COL28A1: variants seen among roughly 807,000 people sequenced by gnomAD.
COL28A1 encodes collagen type XXVIII alpha 1 chain.
A neutral mutation model predicts 150.2 loss-of-function variants in COL28A1; 161 were observed. The ratio of observed to expected loss-of-function variants is 1.07; its 90% confidence interval spans 0.94 to 1.22. COL28A1 has a LOEUF of 1.22. COL28A1 is among the 50% of genes most tolerant of loss of function. The probability of loss-of-function intolerance (pLI) is 0.00; values close to 1 mark genes in which losing one functional copy is unlikely to be tolerated. For synonymous variants in COL28A1, 552 were observed against 469.7 expected, an observed-to-expected ratio of 1.18 and a Z score of -2.26; for missense variants, 1,617 against 1,388.3, an observed-to-expected ratio of 1.16 and a Z score of -2.62.
At chr7:7,375,379 G>T in intron 31 of COL28A1, 82 bp downstream of exon 31, 1 of 1,287,616 alleles carries the variant, frequency 7.8e-7, no homozygotes, top group Non-Finnish European at 1.0e-6. Flanking sequence ...ATATACATCT[G>T]GACGAACACA....
In COL28A1 at chr7:7,531,842, G is replaced by A; in HGVS notation, c.187C>T (p.Leu63Phe). 2 of 1,607,740 alleles carry A rather than the reference G, an allele frequency of 1.2e-6. No individual in the cohort carries two copies. Among genetic ancestry groups the A allele is most frequent in the Non-Finnish European group, 1.7e-6 (2 of 1,174,268 alleles). Residue 63 changes from leucine (L) to phenylalanine (F), a missense_variant, in exon 3 of 35, where the codon CTC (leucine) becomes TTC (phenylalanine). By Grantham distance (22) the Leu-to-Phe change is conservative. Coordinates refer to ENST00000399429, the MANE Select transcript of COL28A1 (RefSeq NM_001037763.3). ...VDSSESSKIA[L>F]FDKQKDFVDS... ...ACAAAATCTTTCTGTTTATCAAAGA[G>A]GGCAATTTTAGAACTTTCAGAGCTG...
chr7:7,342,778 G>A, the COL28A1 span, among the ~76,000 whole-genome samples: 2 of 151,796 alleles, frequency 1.3e-5, no homozygotes, highest in Non-Finnish European at 2.9e-5. Flanking sequence ...ATCATATTAT[G>A]ATTATTAATA....
At chr7:7,433,303 G>A (rs939114120) in intron 23 of COL28A1, among the ~76,000 whole-genome samples, 5 of 152,114 alleles carry the variant, frequency 3.3e-5, no homozygotes, top group East Asian at 1.9e-4. Context: ...CAAGTAAAAC[G>A]GGGGGAGAGA....
the COL28A1 span, among the ~76,000 whole-genome samples, chr7:7,350,278 G>A: frequency 6.6e-6 from 1 of 152,100 alleles, no homozygotes; most frequent in Non-Finnish European, 1.5e-5. Context: ...GTTCAGGGAT[G>A]TTTCTCAGAG....
At chr7:7,505,319 A>G (rs1199816655) in intron 11 of COL28A1, among the ~76,000 whole-genome samples, 1 of 152,160 alleles carries the variant, frequency 6.6e-6, no homozygotes, top group African/African-American at 2.4e-5. Context: ...CTAAGTCGAC[A>G]CCATTTACTG....
At chr7:7,495,252 T>C (rs1207290585) in intron 11 of COL28A1, among the ~76,000 whole-genome samples, 1 of 152,238 alleles carries the variant, frequency 6.6e-6, no homozygotes, top group African/African-American at 2.4e-5. Context: ...GTCTTTGAAA[T>C]CTGATGTGTA....
chr7:7,490,897 A>G (rs1234719519), intron 11 of COL28A1, among the ~76,000 whole-genome samples: 1 of 152,200 alleles, frequency 6.6e-6, no homozygotes, highest in African/African-American at 2.4e-5. Flanking sequence ...ATATGTTCCA[A>G]TTGTAATTTT....
chr7:7,529,688 T>A (rs1171405187), intron 3 of COL28A1, among the ~76,000 whole-genome samples: 1 of 152,186 alleles, frequency 6.6e-6, no homozygotes, highest in Non-Finnish European at 1.5e-5. Flanking sequence ...AACAAGGAGC[T>A]GCCTGTCCCG....
rs370840893 is a variant in COL28A1, at chr7:7,446,147, C to T, written c.1510-1658G>A. 2.4e-4 allele frequency among the ~76,000 whole-genome samples: 36 copies of T among 151,922 alleles called. No homozygotes were observed. In the East Asian group the frequency reaches 2.5e-3, roughly 11 times the overall value. Reference sequence around the variant, plus strand: ...TGCTGGGATTACAGGTGTGAGCCACCGTGCCTGGCCAGTAATGCCTTTTTA... The same window carrying T: ...TGCTGGGATTACAGGTGTGAGCCACTGTGCCTGGCCAGTAATGCCTTTTTA... On this transcript the variant is annotated intron_variant, in intron 18 of 34. Transcript: ENST00000399429.
chr7:7,459,596 C>T lies in COL28A1; in HGVS notation c.1303-3484G>A, dbSNP rs146494112. Among the ~76,000 whole-genome samples the T allele has an allele frequency of 2.2e-3, 334 of 152,328 alleles. 2 individuals are homozygous for T. The highest frequency in any genetic ancestry group is 6.8e-3 in the African/African-American group (283 of 41,562). On this transcript the variant is annotated intron_variant, in intron 15 of 34. Transcript: ENST00000399429. ...TTATACATTTCTTATATCCTTCCCC[C>T]TCTGGCAGCTTCACTTCCAATGCTC...
chr7:7,454,916 C>T (rs1787021979), intron 16 of COL28A1, among the ~76,000 whole-genome samples: 1 of 152,102 alleles, frequency 6.6e-6, no homozygotes, highest in Non-Finnish European at 1.5e-5. Flanking sequence ...TTCTTCTGTA[C>T]CTTAAGATTC....
chr7:7,375,146 T>G (rs1011514811), intron 31 of COL28A1, among the ~76,000 whole-genome samples: 6 of 152,226 alleles, frequency 3.9e-5, no homozygotes, highest in African/African-American at 1.4e-4. Context: ...TTGTTGAGTT[T>G]TTCGTCTCAG....
intron 15 of COL28A1, among the ~76,000 whole-genome samples, chr7:7,473,651 A>G (rs1341154556): frequency 6.6e-6 from 1 of 152,214 alleles, no homozygotes; most frequent in Non-Finnish European, 1.5e-5. Flanking sequence ...AATTAAAAGT[A>G]TAACTATCAT....
intron 10 of COL28A1, among the ~76,000 whole-genome samples, chr7:7,506,824 T>A (rs1477459120): frequency 6.6e-6 from 1 of 152,242 alleles, no homozygotes; most frequent in Admixed American, 6.5e-5. Flanking sequence ...TGACTTTCCA[T>A]CTTTCCAGAC....
Position 7,373,329 on chromosome 7 carries a change from AT to A in COL28A1, c.2576del (p.Asp859ValfsTer37). ...TGTTGTCCACAGCCAACTTGAAGTC[AT>A]CCTTGCTGGAGAACTGCTTCAAATT... ...VANLKQFSSK[D>X]DFKLAVDNMQ... On this transcript the variant is annotated frameshift_variant, in exon 32 of 35. Transcript: ENST00000399429. LOFTEE classifies it high-confidence loss of function. This position sits in a 1 kb window ranked among gnomAD's most constrained non-coding sequence, Gnocchi z 4.1. 6.2e-7 allele frequency: 1 copy of A among 1,614,136 alleles called. No homozygotes were observed. The highest frequency in any genetic ancestry group is 8.5e-7 in the Non-Finnish European group (1 of 1,180,026).
At chr7:7,540,274 C>T (rs969953819), upstream of COL28A1, among the ~76,000 whole-genome samples, 1 of 152,224 alleles carries the variant, frequency 6.6e-6, no homozygotes, top group Admixed American at 6.5e-5. Flanking sequence ...CTTGACTAAA[C>T]TCTGCTTTAA....
In COL28A1 at chr7:7,519,960, TTGCCATATACTACAA is replaced by T. The variant is rs1275878899; in HGVS notation, c.813+87_813+101del. On this transcript the variant is annotated intron_variant, in intron 6 of 34. Transcript: ENST00000399429. The stretch of plus-strand genomic sequence containing the variant: ...ATTCTTCACAAAAGTTGTCACATTT[TTGCCATATACTACAA>T]TGCTTTTTATTTTTAAAATTGTTGT... The T allele has an allele frequency of 4.8e-6, 3 of 628,384 alleles. No homozygotes were observed. In the African/African-American group the frequency reaches 5.6e-5, roughly 12 times the overall value. 38.9% of individuals were successfully genotyped at this position (628,384 alleles called of 1,614,324 possible).
chr7:7,428,962 A>G (rs1218786078), intron 25 of COL28A1, among the ~76,000 whole-genome samples: 1 of 152,196 alleles, frequency 6.6e-6, no homozygotes, highest in Non-Finnish European at 1.5e-5. Flanking sequence ...AGGGTGCTAG[A>G]TGTCAGCAAC....
chr7:7,498,637 TACC>T (rs1413691339), intron 11 of COL28A1, among the ~76,000 whole-genome samples: 1 of 152,220 alleles, frequency 6.6e-6, no homozygotes, highest in African/African-American at 2.4e-5. Flanking sequence ...TTATATATTT[TACC>T]ACAATAAAAA....
Sources: gnomAD v4.1 joint callset for allele counts (sites outside exome capture counted in the v4.1 genomes callset) on GRCh38, gnomAD v4.1.1 for gene constraint, Gnocchi (gnomAD v3.1) non-coding constraint, MANE v1.5 for transcripts, NCBI Gene and HGNC (gene_info 2026-07-23, HGNC 2026-07-21) for gene names.